ZNF438: variants seen among roughly 807,000 people sequenced by gnomAD.
ZNF438 encodes zinc finger protein 438.
In ZNF438, 25 loss-of-function variants were observed where a neutral mutation model predicts 38.0. That is an observed-to-expected ratio of 0.66 (90% CI 0.48 to 0.92). The LOEUF is 0.92. ZNF438 is among the 40% of genes least tolerant of loss of function. ZNF438 has a pLI of 0.00. For synonymous variants in ZNF438, 372 were observed against 364.1 expected (o/e 1.02, Z -0.25); for missense variants, 1,007 against 999.6 (o/e 1.01, Z -0.10).
At chr10:30,989,639 G>A (rs543098641) in intron 1 of ZNF438, among the ~76,000 whole-genome samples, 4 of 152,288 alleles carry the variant, frequency 2.6e-5, no homozygotes, top group Non-Finnish European at 4.4e-5. Flanking sequence ...TTAAGGGGGC[G>A]AGAATGTATG....
At chr10:30,948,987 C>G (rs905679782) in intron 1 of ZNF438, among the ~76,000 whole-genome samples, 8 of 152,148 alleles carry the variant, frequency 5.3e-5, no homozygotes, top group East Asian at 3.9e-4. Flanking sequence ...AAAATGTTAA[C>G]GGCAGCCAGA....
At chr10:30,974,768 C>G (rs1291196296) in intron 1 of ZNF438, among the ~76,000 whole-genome samples, 1 of 152,194 alleles carries the variant, frequency 6.6e-6, no homozygotes, top group Non-Finnish European at 1.5e-5. Context: ...TCTGGTCAGA[C>G]ACAGAATTTT....
At chr10:30,989,970 G>GTA (rs2053296663) in intron 1 of ZNF438, among the ~76,000 whole-genome samples, 1 of 152,194 alleles carries the variant, frequency 6.6e-6, no homozygotes, top group Non-Finnish European at 1.5e-5. Context: ...AAACAGTAGG[G>GTA]CTTCTAAGAG....
chr10:30,994,414 G>C (rs559731861), intron 1 of ZNF438, among the ~76,000 whole-genome samples: 1 of 152,192 alleles, frequency 6.6e-6, no homozygotes, highest in Admixed American at 6.5e-5. Context: ...AGATTAATAA[G>C]TTACTGGATT....
intron 1 of ZNF438, among the ~76,000 whole-genome samples, chr10:30,953,650 AC>A (rs1438028313): frequency 3.6e-5 from 3 of 82,762 alleles, no homozygotes; most frequent in South Asian, 3.2e-4. Flanking sequence ...AAAAAAAAAA[AC>A]ATACACACAC....
chr10:30,965,751 TA>T (rs2050046021), intron 1 of ZNF438, among the ~76,000 whole-genome samples: 1 of 152,030 alleles, frequency 6.6e-6, no homozygotes, highest in Non-Finnish European at 1.5e-5. Context: ...CACCGGGGAC[TA>T]CTAGAGGAAG....
rs564357152 is a variant in ZNF438 at position 30,991,149 on chromosome 10, A to G, written c.-192+40684T>C. Among the ~76,000 whole-genome samples, 15 of 152,258 alleles carry G rather than the reference A, an allele frequency of 9.9e-5. No homozygotes were observed. In the South Asian group the frequency reaches 3.1e-3, roughly 32 times the overall value. On this transcript the variant is annotated intron_variant, in intron 1 of 5. Transcript: ENST00000413025. ...TCTGACTTATGTCTTAGTCTGTTTT[A>G]CTTACTCGAGAGCTCTAGTCCAGAA...
At chr10:30,966,986 C>T (rs2050191766) in intron 1 of ZNF438, among the ~76,000 whole-genome samples, 1 of 152,136 alleles carries the variant, frequency 6.6e-6, no homozygotes, top group Non-Finnish European at 1.5e-5. Context: ...CCCCAAGTCC[C>T]TAGGTTCCCA....
chr10:30,859,083 G>GT (rs1012403435), intron 4 of ZNF438, among the ~76,000 whole-genome samples: 79 of 152,142 alleles, frequency 5.2e-4, no homozygotes, highest in African/African-American at 1.7e-3. Context: ...AACCACTGTT[G>GT]TATCTGTTTG....
rs557507510 is a variant in ZNF438 at position 30,923,082 on chromosome 10, G to A, written c.-114-14067C>T. On this transcript the variant is annotated intron_variant, in intron 2 of 5. Coordinates refer to ENST00000413025, the Ensembl canonical transcript of ZNF438. The stretch of plus-strand genomic sequence containing the variant: ...CAAGTTAAGTGATTTCCAGTCCTTT[G>A]CTTTCTACAAATGATGGCATAATTG... Among the ~76,000 whole-genome samples the A allele has an allele frequency of 7.2e-5, 11 of 152,276 alleles. No individual in the cohort carries two copies. In the South Asian group the frequency reaches 2.3e-3, roughly 32 times the overall value.
chr10:30,899,169 AG>A (rs2041704417), intron 3 of ZNF438, among the ~76,000 whole-genome samples: 1 of 152,174 alleles, frequency 6.6e-6, no homozygotes, highest in Admixed American at 6.5e-5. Context: ...TCTTAGCTTC[AG>A]GACCTTGGAC....
intron 4 of ZNF438, chr10:30,875,218 A>G (rs754582185): frequency 3.6e-5 from 35 of 979,196 alleles, no homozygotes; most frequent in Non-Finnish European, 4.0e-5. Flanking sequence ...GGTAGGCATC[A>G]GAACAAAACA....
intron 1 of ZNF438, among the ~76,000 whole-genome samples, chr10:30,963,295 G>C (rs967387310): frequency 6.6e-6 from 1 of 151,354 alleles, no homozygotes; most frequent in East Asian, 1.9e-4. Flanking sequence ...AGGAGGCTGA[G>C]GCAGGAGAAT....
intron 4 of ZNF438, among the ~76,000 whole-genome samples, chr10:30,864,084 T>C (rs2036026819): frequency 6.6e-6 from 1 of 152,144 alleles, no homozygotes; most frequent in Non-Finnish European, 1.5e-5. Context: ...TGACATTGAC[T>C]TCGTGGAAAA....
At chr10:30,861,757 T>C in intron 4 of ZNF438, among the ~76,000 whole-genome samples, 1 of 148,360 alleles carries the variant, frequency 6.7e-6, no homozygotes, top group South Asian at 2.1e-4. Flanking sequence ...CCATATGAAA[T>C]TATGTTTGTT....
Position 30,976,480 on chromosome 10 carries a change from A to G in ZNF438, c.-191-34829T>C, listed in dbSNP as rs370411620. ...GTCATGGCTGGGTGCAGTGGCACAC[A>G]CCTGTAATCCCAGCACTTTGGGAGG... is the stretch of plus-strand genomic sequence containing the variant. On this transcript the variant is annotated intron_variant, in intron 1 of 5. Coordinates refer to ENST00000413025, the Ensembl canonical transcript of ZNF438. Among the ~76,000 whole-genome samples, 5 of 152,290 alleles carry G rather than the reference A, an allele frequency of 3.3e-5. No individual in the cohort carries two copies. In the East Asian group the frequency reaches 7.7e-4, roughly 23 times the overall value.
At chr10:31,020,619 G>A (rs905969304) in intron 1 of ZNF438, among the ~76,000 whole-genome samples, 1 of 152,062 alleles carries the variant, frequency 6.6e-6, no homozygotes, top group African/African-American at 2.4e-5. Flanking sequence ...TGGTTTAAAG[G>A]AGGTTGCATT....
rs778935030 is a variant in ZNF438, at chr10:30,850,289, G to A, written c.116C>T (p.Pro39Leu). 4 of 1,614,084 alleles carry A rather than the reference G, an allele frequency of 2.5e-6. No individual in the cohort carries two copies. In the South Asian group the frequency reaches 4.4e-5, roughly 18 times the overall value. Residue 39 changes from proline (P) to leucine (L), a missense_variant, in exon 5 of 6, where the codon CCA becomes CTA. Transcript: ENST00000413025. ...CGTTAGGACTTTGGGCACAATTTTT[G>A]GTGCAATGGTCCTAAACTGACTCTT...
At chr10:30,993,594 T>C (rs2053733730) in intron 1 of ZNF438, among the ~76,000 whole-genome samples, 1 of 152,260 alleles carries the variant, frequency 6.6e-6, no homozygotes, top group East Asian at 1.9e-4. Context: ...CAGAGACTTG[T>C]CAACAAGGGT....
Sources: gnomAD v4.1 joint callset for allele counts (sites outside exome capture counted in the v4.1 genomes callset) on GRCh38, gnomAD v4.1.1 for gene constraint, MANE v1.5 for transcripts, NCBI Gene and HGNC (gene_info 2026-07-23, HGNC 2026-07-21) for gene names.